Variants in DDX19B observed in about 807,000 individuals in gnomAD.
The protein encoded by DDX19B is ATP-dependent RNA helicase DDX19B.
A neutral mutation model predicts 58.1 loss-of-function variants in DDX19B; 27 were observed. That is an observed-to-expected ratio of 0.46 (90% confidence interval 0.34 to 0.64). The LOEUF (loss-of-function observed/expected upper bound fraction) is 0.64, where lower values mean the gene tolerates loss of function less well. DDX19B is among the 30% of genes least tolerant of loss of function. The pLI, the probability that DDX19B is intolerant of heterozygous loss-of-function variation, is 0.01. For missense variants in DDX19B, 399 were observed against 596.5 expected, an observed-to-expected ratio of 0.67 and a Z score of 3.45; for synonymous variants, 187 against 214.4, an observed-to-expected ratio of 0.87 and a Z score of 1.12.
At chr16:70,328,219 G>A (rs1002384721) in intron 7 of DDX19B, among the ~76,000 whole-genome samples, 3 of 151,956 alleles carry the variant, frequency 2.0e-5, no homozygotes, top group Non-Finnish European at 4.4e-5. Flanking sequence ...GTGACCTTAT[G>A]AAAATCAAGT....
upstream of DDX19B, among the ~76,000 whole-genome samples, chr16:70,291,637 G>A (rs943719593): frequency 1.1e-4 from 17 of 151,802 alleles, no homozygotes; most frequent in African/African-American, 3.4e-4. Context: ...ACGAAACCCC[G>A]TCTCTACTAA....
upstream of DDX19B, among the ~76,000 whole-genome samples, chr16:70,291,686 C>G (rs1302008041): frequency 6.6e-6 from 1 of 152,088 alleles, no homozygotes; most frequent in African/African-American, 2.4e-5. Context: ...TGGCGGGCGC[C>G]TGTAGTCCCA....
rs1041928659 is a variant in DDX19B, at chr16:70,306,064, GTTTT to G, written c.58-6540_58-6537del. Among the ~76,000 whole-genome samples, 4 of 150,830 alleles carry G rather than the reference GTTTT, an allele frequency of 2.7e-5. No homozygotes were observed. The East Asian group carries it at 7.9e-4, about 30-fold the overall frequency. On this transcript the variant is annotated intron_variant, in intron 1 of 11. Transcript: ENST00000288071. ...AGGCATGACCCACAGCACCCGGCCT[GTTTT>G]TTTTATTTTTTAGTTCTGAGAGTTT...
At chr16:70,300,993 C>T (rs1406917358) in intron 1 of DDX19B, among the ~76,000 whole-genome samples, 1 of 152,110 alleles carries the variant, frequency 6.6e-6, no homozygotes, top group African/African-American at 2.4e-5. Flanking sequence ...AATTCCATTT[C>T]TCCTAGGCCT....
At chr16:70,300,722 G>C in intron 1 of DDX19B, among the ~76,000 whole-genome samples, 1 of 151,708 alleles carries the variant, frequency 6.6e-6, no homozygotes, top group East Asian at 2.0e-4. Context: ...TGAAGACGAG[G>C]TCTCACTATA....
intron 4 of DDX19B, among the ~76,000 whole-genome samples, chr16:70,316,563 C>T (rs1161757833): frequency 6.6e-6 from 1 of 152,154 alleles, no homozygotes; most frequent in African/African-American, 2.4e-5. Context: ...CACCTGTAAT[C>T]CCAGCACTTT....
Position 70,324,686 on chromosome 16 carries a change from A to C in DDX19B, c.491A>C (p.Gln164Pro). 6.2e-7 allele frequency: 1 copy of C among 1,609,966 alleles called. No homozygotes were observed. The highest frequency in any genetic ancestry group is 1.7e-5 in the Admixed American group (1 of 58,314). ...GTAGAACCTGCAAACAAATACCCCC[A>C]GGTAAGGATTTATGAATTTAGGTTT... ...SQVEPANKYP[Q>P]CLCLSPTYEL... Residue 164 changes from glutamine to proline, a missense_variant and splice_region_variant, in exon 6 of 12, where the codon CAG becomes CCG. Gln to Pro is a moderately conservative substitution (Grantham distance 76). This residue lies in a region of DDX19B where 67 missense variants were observed against 74.3 expected (regional missense o/e 0.90). Coordinates refer to ENST00000288071, the MANE Select transcript of DDX19B (RefSeq NM_007242.7).
intron 7 of DDX19B, among the ~76,000 whole-genome samples, chr16:70,326,911 T>C (rs995359387): frequency 6.6e-6 from 1 of 151,920 alleles, no homozygotes. Flanking sequence ...CTTGGCTCAC[T>C]GCAAGCTCTG....
In DDX19B at chr16:70,326,902, T is replaced by C. The variant is rs546616595; in HGVS notation, c.607+1214T>C. On this transcript the variant is annotated intron_variant, in intron 7 of 11. Coordinates refer to ENST00000288071, the MANE Select transcript of DDX19B (RefSeq NM_007242.7). Reference sequence around the variant, plus strand: ...CAGGCTGGAGAGCAGTGGCACAGTCTTGGCTCACTGCAAGCTCTGCCTCTG... The same window carrying C: ...CAGGCTGGAGAGCAGTGGCACAGTCCTGGCTCACTGCAAGCTCTGCCTCTG... Among the ~76,000 whole-genome samples the C allele has an allele frequency of 3.9e-5, 6 of 151,954 alleles. No individual in the cohort carries two copies. The East Asian group carries it at 1.2e-3, about 30-fold the overall frequency.
chr16:70,323,623 C>T (rs1962972732), intron 5 of DDX19B, among the ~76,000 whole-genome samples: 1 of 151,258 alleles, frequency 6.6e-6, no homozygotes, highest in Admixed American at 6.6e-5. Flanking sequence ...AGGGTTTTAC[C>T]ATGTTGGCCA....
In DDX19B at chr16:70,315,873, A is replaced by G. The variant is rs985021629; in HGVS notation, c.161-96A>G. ...TACCTTGAATTTGAATGTTCAGTACATTATTATTTAAAATACAAATGGCAG... is the reference window on the plus strand; with the variant it reads ...TACCTTGAATTTGAATGTTCAGTACGTTATTATTTAAAATACAAATGGCAG... On this transcript the variant is annotated intron_variant, in intron 3 of 11. Transcript: ENST00000288071. 2.0e-5 allele frequency: 29 copies of G among 1,477,796 alleles called. No individual in the cohort carries two copies. The African/African-American group carries it at 4.1e-4, about 21-fold the overall frequency. 91.5% of individuals were successfully genotyped at this position (1,477,796 alleles called of 1,614,324 possible). A position where few individuals can be genotyped will look rare whatever the true frequency, so the allele number is the denominator to read the frequency against.
At chr16:70,327,051 G>A (rs1049791554) in intron 7 of DDX19B, among the ~76,000 whole-genome samples, 2 of 148,292 alleles carry the variant, frequency 1.3e-5, no homozygotes, top group East Asian at 2.1e-4. Context: ...AGCCAGGATG[G>A]TCTCTATCTG....
At position 70,314,905 on chromosome 16, in the gene DDX19B, C is replaced by G. The variant is rs1377070800; in HGVS notation, c.110C>G (p.Ala37Gly). Residue 37 changes from alanine to glycine, a missense_variant, in exon 3 of 12, where the codon GCT becomes GGT. By Grantham distance (60) the Ala-to-Gly change is moderately conservative. Around this residue, in one of 4 missense-constraint regions of DDX19B, gnomAD observed 132 missense variants for 159.4 expected, o/e 0.83. Coordinates refer to ENST00000288071, the MANE Select transcript of DDX19B (RefSeq NM_007242.7). ...TGGCCACTTTGTGTCTATAAAGGTG[C>G]TGTTGTCAAGACCAATGCCAATGCA... Reference protein sequence around the residue: ...EEKIKPDTNGAVVKTNANAEK... With the variant: ...EEKIKPDTNGGVVKTNANAEK... 1 of 1,608,632 alleles carries G rather than the reference C, an allele frequency of 6.2e-7. No homozygotes were observed. The highest frequency in any genetic ancestry group is 8.5e-7 in the Non-Finnish European group (1 of 1,176,576).
intron 9 of DDX19B, among the ~76,000 whole-genome samples, chr16:70,330,890 T>A (rs1260058500): frequency 1.3e-5 from 2 of 151,212 alleles, no homozygotes; most frequent in Non-Finnish European, 2.9e-5. Context: ...ACAAAAATTT[T>A]AAAAATTAGC....
chr16:70,294,984 C>A, upstream of DDX19B: 2 of 1,411,854 alleles, frequency 1.4e-6, no homozygotes, highest in Non-Finnish European at 1.8e-6. Context: ...CTCGCCCCTA[C>A]TCCTGGGTAG....
At chr16:70,298,535 C>G (rs1180604326), upstream of DDX19B, among the ~76,000 whole-genome samples, 2 of 151,182 alleles carry the variant, frequency 1.3e-5, no homozygotes, top group Non-Finnish European at 2.9e-5. Context: ...GTCACCCAGG[C>G]TGGAGTGCAG....
chr16:70,314,574 G>A (rs534451811), intron 2 of DDX19B, among the ~76,000 whole-genome samples: 3 of 152,188 alleles, frequency 2.0e-5, no homozygotes, highest in East Asian at 1.9e-4. Context: ...TGAGGCAAGA[G>A]AATGGCGTGA....
chr16:70,299,045 C>G (rs1961335242), upstream of DDX19B: 1 of 950,268 alleles, frequency 1.1e-6, no homozygotes, highest in Admixed American at 4.0e-5. Flanking sequence ...AGATAACTAC[C>G]TCAGCTTGAT....
intron 7 of DDX19B, among the ~76,000 whole-genome samples, chr16:70,327,563 A>T (rs969564591): frequency 4.8e-5 from 7 of 146,252 alleles, no homozygotes; most frequent in East Asian, 2.0e-4. Flanking sequence ...AAACAAACAA[A>T]TTTTTTTTTT....
Sources: gnomAD v4.1 joint callset for allele counts (sites outside exome capture counted in the v4.1 genomes callset) on GRCh38, gnomAD v4.1.1 for gene constraint, gnomAD v4.1.1 regional missense constraint, MANE v1.5 for transcripts, NCBI Gene and HGNC (gene_info 2026-07-23, HGNC 2026-07-21) for gene names.